Variants in ZRANB1 observed in about 807,000 individuals in gnomAD.
The protein encoded by ZRANB1 is zinc finger RANBP2-type containing 1.
In ZRANB1, 16 loss-of-function variants were observed where a neutral mutation model predicts 80.5. The ratio of observed to expected loss-of-function variants is 0.20; its 90% CI spans 0.13 to 0.30. ZRANB1 has a LOEUF of 0.30. Among genes scored for constraint, ZRANB1 ranks in the 10% least tolerant of loss-of-function variants. ZRANB1 has a pLI of 1.00. For synonymous variants in ZRANB1, 291 were observed against 293.1 expected (o/e 0.99, Z 0.07); for missense variants, 576 against 862.6 (o/e 0.67, Z 4.16).
intron 5 of ZRANB1, among the ~76,000 whole-genome samples, chr10:124,977,013 G>A (rs1398054362): frequency 6.6e-6 from 1 of 152,098 alleles, no homozygotes; most frequent in African/African-American, 2.4e-5. Context: ...TGTCACCCAG[G>A]CTGAAATGCA....
At chr10:124,979,489 T>G (rs1350101811) in intron 5 of ZRANB1, among the ~76,000 whole-genome samples, 1 of 152,246 alleles carries the variant, frequency 6.6e-6, no homozygotes, top group Non-Finnish European at 1.5e-5. Flanking sequence ...TCATTAGCAG[T>G]GTCTTTTGAA....
intron 1 of ZRANB1, among the ~76,000 whole-genome samples, chr10:124,966,195 G>A (rs1037987620): frequency 6.6e-6 from 1 of 152,140 alleles, no homozygotes; most frequent in Non-Finnish European, 1.5e-5. Flanking sequence ...CTCAACACCA[G>A]CTGGAAGCAC....
At position 124,961,398 on chromosome 10, in the gene ZRANB1, T is replaced by G. The variant is rs564056571; in HGVS notation, c.815-5196T>G. Among the ~76,000 whole-genome samples, 8 of 152,372 alleles carry G rather than the reference T, an allele frequency of 5.3e-5. No homozygotes were observed. In the East Asian group the frequency reaches 1.5e-3, roughly 29 times the overall value. On this transcript the variant is annotated intron_variant, in intron 1 of 8. Coordinates refer to ENST00000359653, the MANE Select transcript of ZRANB1 (RefSeq NM_017580.3). Reference sequence around the variant, plus strand: ...CTCATGATGTGAACTCATGTTCATCTGTTTCAGCCCTGTTAACATTTGTCC... The same window carrying G: ...CTCATGATGTGAACTCATGTTCATCGGTTTCAGCCCTGTTAACATTTGTCC...
At chr10:124,971,843 A>G (rs935752241) in intron 2 of ZRANB1, 122 bp from the exon 3 acceptor site, 7 of 887,918 alleles carry the variant, frequency 7.9e-6, no homozygotes, top group African/African-American at 6.9e-5. Flanking sequence ...ATACCAGTGT[A>G]TTTTAAGATT....
intron 1 of ZRANB1, among the ~76,000 whole-genome samples, chr10:124,956,909 G>A (rs779679394): frequency 1.3e-5 from 2 of 152,140 alleles, no homozygotes; most frequent in Non-Finnish European, 2.9e-5. Context: ...TTTCTCGTGT[G>A]TATTCTCTGA....
chr10:124,953,762 C>T (rs1426446671), intron 1 of ZRANB1, among the ~76,000 whole-genome samples: 1 of 152,142 alleles, frequency 6.6e-6, no homozygotes, highest in Admixed American at 6.5e-5. Context: ...GTGTTGATAG[C>T]TCAGTTGCAG....
intron 1 of ZRANB1, among the ~76,000 whole-genome samples, chr10:124,962,779 C>T (rs1195701630): frequency 6.6e-6 from 1 of 152,142 alleles, no homozygotes; most frequent in Non-Finnish European, 1.5e-5. Context: ...AACACTTTAT[C>T]TGTAATTATG....
chr10:124,949,398 T>C (rs1021035581), intron 1 of ZRANB1, among the ~76,000 whole-genome samples: 1 of 151,264 alleles, frequency 6.6e-6, no homozygotes, highest in African/African-American at 2.4e-5. Context: ...AAGTTCACAT[T>C]GAAACTATGT....
upstream of ZRANB1, among the ~76,000 whole-genome samples, chr10:124,937,391 G>T (rs1045481023): frequency 4.6e-5 from 7 of 151,546 alleles, no homozygotes; most frequent in African/African-American, 1.7e-4. Flanking sequence ...TCGCCATGTT[G>T]ACCAGGCTGG....
chr10:124,923,799 G>A, the ZRANB1 span, among the ~76,000 whole-genome samples: 1 of 151,832 alleles, frequency 6.6e-6, no homozygotes, highest in Admixed American at 6.6e-5. Flanking sequence ...GAACAGCATA[G>A]GGGAAACCGC....
chr10:124,921,575 T>A, the ZRANB1 span, among the ~76,000 whole-genome samples: 1 of 152,192 alleles, frequency 6.6e-6, no homozygotes, highest in African/African-American at 2.4e-5. Context: ...ACCTACTACA[T>A]CTATGTGGAA....
intron 1 of ZRANB1, among the ~76,000 whole-genome samples, chr10:124,957,384 TG>T (rs1195284935): frequency 6.6e-6 from 1 of 152,192 alleles, no homozygotes; most frequent in Non-Finnish European, 1.5e-5. Context: ...TCCTTTTTTT[TG>T]CAATTTATTT....
chr10:124,976,705 G>A (rs551994464), intron 5 of ZRANB1, among the ~76,000 whole-genome samples: 1 of 151,034 alleles, frequency 6.6e-6, no homozygotes, highest in Admixed American at 6.6e-5. Flanking sequence ...CGAAGTAGCT[G>A]GGATTACAGG....
chr10:124,968,205 A>G (rs1302057475), intron 2 of ZRANB1, among the ~76,000 whole-genome samples: 1 of 152,170 alleles, frequency 6.6e-6, no homozygotes, highest in Non-Finnish European at 1.5e-5. Context: ...CCAAGGTAAC[A>G]TTTTTTAATG....
chr10:124,972,865 A>G (rs764601905), intron 3 of ZRANB1, among the ~76,000 whole-genome samples: 14 of 151,662 alleles, frequency 9.2e-5, no homozygotes, highest in Non-Finnish European at 1.8e-4. Context: ...TGCGCCTTCA[A>G]CTTCTGGGCT....
chr10:124,964,057 G>A (rs985653288), intron 1 of ZRANB1, among the ~76,000 whole-genome samples: 10 of 152,198 alleles, frequency 6.6e-5, no homozygotes, highest in Non-Finnish European at 8.8e-5. Flanking sequence ...CAGTATGCCC[G>A]TTTGTAGTTT....
At chr10:124,940,452 T>A (rs1951524851), upstream of ZRANB1, 1 of 1,242,810 alleles carries the variant, frequency 8.0e-7, no homozygotes. Context: ...TGAGCCAGCA[T>A]GAAGACGGAA....
intron 1 of ZRANB1, among the ~76,000 whole-genome samples, chr10:124,957,575 G>A (rs1951696826): frequency 6.6e-6 from 1 of 151,970 alleles, no homozygotes. Flanking sequence ...CCTTCCTCCA[G>A]CCCCTGACAA....
the ZRANB1 span, chr10:124,917,174 TCGCCGCTGCCGCCGCCGCCGC>T: frequency 6.0e-6 from 1 of 165,914 alleles, no homozygotes; most frequent in Non-Finnish European, 1.2e-5. Context: ...GCGCGGGGAG[TCGCCGCTGCCGCCGCCGCCGC>T]CGCCGCCGCC....
Sources: allele counts gnomAD v4.1 joint callset (sites outside exome capture counted in the v4.1 genomes callset), GRCh38; gene constraint gnomAD v4.1.1; transcripts MANE v1.5; gene names NCBI Gene and HGNC (gene_info 2026-07-23, HGNC 2026-07-21).